GRM5: variants seen among roughly 807,000 people sequenced by gnomAD.
GRM5 encodes the protein metabotropic glutamate receptor 5.
Under a neutral mutation model 83.1 loss-of-function variants are expected in GRM5, and 19 were observed. The observed-to-expected ratio is 0.23, with a 90% CI of 0.16 to 0.34. GRM5 has a LOEUF of 0.34. GRM5 is among the 10% of genes least tolerant of loss of function. The pLI is 1.00. For synonymous variants in GRM5, 675 were observed against 633.6 expected (o/e 1.07, Z -0.98); for missense variants, 1,160 against 1,588.3 (o/e 0.73, Z 4.58).
chr11:88,984,951 T>A (rs1459363177), intron 2 of GRM5: 2 of 590,604 alleles, frequency 3.4e-6, no homozygotes, highest in Non-Finnish European at 6.2e-6. Context: ...TTGACTCACT[T>A]TTTTTCTAAT....
At chr11:88,852,820 A>G (rs1309147198) in intron 2 of GRM5, among the ~76,000 whole-genome samples, 1 of 152,124 alleles carries the variant, frequency 6.6e-6, no homozygotes, top group Non-Finnish European at 1.5e-5. Flanking sequence ...AATAAAATGG[A>G]AAAGACTGAA....
chr11:88,780,325 A>G (rs182338037), intron 3 of GRM5, among the ~76,000 whole-genome samples: 99 of 152,294 alleles, frequency 6.5e-4, no homozygotes, highest in African/African-American at 2.4e-3. Flanking sequence ...AATATTTATA[A>G]ATGCAACAAG....
chr11:88,876,539 A>C (rs1173812689), intron 2 of GRM5, among the ~76,000 whole-genome samples: 2 of 152,128 alleles, frequency 1.3e-5, no homozygotes, highest in Non-Finnish European at 2.9e-5. Context: ...GTGGCACAAA[A>C]GGCCTAGACT....
At chr11:88,720,267 C>T (rs1941502990) in intron 3 of GRM5, among the ~76,000 whole-genome samples, 1 of 152,016 alleles carries the variant, frequency 6.6e-6, no homozygotes, top group African/African-American at 2.4e-5. Context: ...AAATGAGTGG[C>T]TGTGAACTTT....
At chr11:88,975,726 CTAAATGTATTA>C (rs1310694752) in intron 2 of GRM5, among the ~76,000 whole-genome samples, 1 of 152,178 alleles carries the variant, frequency 6.6e-6, no homozygotes, top group African/African-American at 2.4e-5. Flanking sequence ...GCACTGCCAT[CTAAATGTATTA>C]TATAACATGT....
At chr11:89,037,168 G>A (rs1485736638) in intron 2 of GRM5, among the ~76,000 whole-genome samples, 3 of 152,170 alleles carry the variant, frequency 2.0e-5, no homozygotes, top group Admixed American at 2.0e-4. Context: ...GTATGTCTCT[G>A]TGTATGTGTG....
intron 5 of GRM5, among the ~76,000 whole-genome samples, chr11:88,601,123 C>T (rs772265486): frequency 9.9e-5 from 15 of 152,244 alleles, no homozygotes; most frequent in Non-Finnish European, 1.9e-4. Flanking sequence ...CTGAGATTTG[C>T]GTATGTCCTT....
intron 2 of GRM5, among the ~76,000 whole-genome samples, chr11:88,902,950 CAAAAAAAAAAAAAAAAAA>C (rs201996144): frequency 1.6e-5 from 1 of 61,922 alleles, no homozygotes; most frequent in Middle Eastern, 8.5e-3. Context: ...GACTCCATCT[CAAAAAAAAAAAAAAAAAA>C]AAAAAAAAAA....
chr11:88,847,310 C>T (rs199913422), intron 3 of GRM5, among the ~76,000 whole-genome samples: 2 of 152,104 alleles, frequency 1.3e-5, no homozygotes, highest in East Asian at 1.9e-4. Flanking sequence ...TTTTTTTGCT[C>T]ATTGATTTAT....
chr11:88,688,462 G>A (rs1238003325), intron 3 of GRM5, among the ~76,000 whole-genome samples: 4 of 152,012 alleles, frequency 2.6e-5, no homozygotes, highest in Non-Finnish European at 4.4e-5. Context: ...AATATACTGT[G>A]GATTTCAGTA....
At chr11:88,753,940 T>G (rs745660747) in intron 3 of GRM5, among the ~76,000 whole-genome samples, 6 of 152,088 alleles carry the variant, frequency 3.9e-5, no homozygotes, top group Non-Finnish European at 8.8e-5. Flanking sequence ...ATGAGACTTA[T>G]GCACTATCAC....
intron 2 of GRM5, among the ~76,000 whole-genome samples, chr11:88,978,333 A>T (rs1591014302): frequency 6.6e-6 from 1 of 151,988 alleles, no homozygotes; most frequent in Non-Finnish European, 1.5e-5. Context: ...GTGTATATTT[A>T]CCTCCAAACT....
intron 2 of GRM5, among the ~76,000 whole-genome samples, chr11:88,873,238 A>G (rs1481485250): frequency 1.3e-5 from 2 of 151,610 alleles, no homozygotes; most frequent in Non-Finnish European, 3.0e-5. Flanking sequence ...AAAGAAAGAG[A>G]TTGCACTGCA....
chr11:88,705,553 A>G (rs1035608474), intron 3 of GRM5, among the ~76,000 whole-genome samples: 1 of 151,670 alleles, frequency 6.6e-6, no homozygotes, highest in Non-Finnish European at 1.5e-5. Context: ...GAAGGTTTTG[A>G]CATGGAGTTA....
chr11:88,968,720 T>G (rs1464697647), intron 2 of GRM5, among the ~76,000 whole-genome samples: 1 of 151,876 alleles, frequency 6.6e-6, no homozygotes, highest in Non-Finnish European at 1.5e-5. Context: ...TTTTTTAGGG[T>G]GATAACAATG....
At chr11:89,063,744 A>G (rs1426261741) in intron 1 of GRM5, 1 of 152,210 alleles carries the variant, frequency 6.6e-6, no homozygotes, top group Non-Finnish European at 1.5e-5. Context: ...GTTTGTATTT[A>G]TAGAGAACAG....
intron 1 of GRM5, among the ~76,000 whole-genome samples, chr11:89,049,417 G>C (rs963410227): frequency 6.6e-6 from 1 of 152,158 alleles, no homozygotes; most frequent in Admixed American, 6.5e-5. Flanking sequence ...AACTTTGCCA[G>C]CCAAGGATCT....
At chr11:88,817,151 C>T (rs1052763647) in intron 3 of GRM5, among the ~76,000 whole-genome samples, 3 of 151,982 alleles carry the variant, frequency 2.0e-5, no homozygotes, top group African/African-American at 4.8e-5. Flanking sequence ...AAATTTGGCT[C>T]ATATAGTTGA....
At chr11:89,041,996 T>C (rs1172006822) in intron 2 of GRM5, among the ~76,000 whole-genome samples, 3 of 152,186 alleles carry the variant, frequency 2.0e-5, no homozygotes, top group Admixed American at 6.5e-5. Context: ...GAGCACTTCA[T>C]CTAATTTACA....
Sources: gnomAD v4.1 joint callset for allele counts (sites outside exome capture counted in the v4.1 genomes callset) on GRCh38, gnomAD v4.1.1 for gene constraint, MANE v1.5 for transcripts, NCBI Gene and HGNC (gene_info 2026-07-23, HGNC 2026-07-21) for gene names.